The following RASIP1 variants were observed in gnomAD, a reference collection of about 807,000 sequenced individuals.
RASIP1 encodes ras-interacting protein 1.
A neutral mutation model predicts 85.3 loss-of-function variants in RASIP1; 20 were observed. The observed-to-expected ratio is 0.23, with a 90% CI of 0.17 to 0.34. The LOEUF (loss-of-function observed/expected upper bound fraction) is 0.34. RASIP1 is among the 10% of genes least tolerant of loss of function. The probability of loss-of-function intolerance (pLI) is 1.00; values close to 1 mark genes in which losing one functional copy is unlikely to be tolerated. For missense variants in RASIP1, 1,170 were observed against 1,390.9 expected (o/e 0.84, Z 2.53); for synonymous variants, 617 against 647.1 (o/e 0.95, Z 0.71).
At chr19:48,733,953 G>T (rs1048547363) in intron 4 of RASIP1, among the ~76,000 whole-genome samples, 1 of 151,998 alleles carries the variant, frequency 6.6e-6, no homozygotes, top group Non-Finnish European at 1.5e-5. Context: ...ATAGATTCAA[G>T]AAATAGATAT....
At chr19:48,727,689 T>G (rs918326204) in intron 5 of RASIP1, among the ~76,000 whole-genome samples, 11 of 149,652 alleles carry the variant, frequency 7.4e-5, no homozygotes, top group African/African-American at 2.7e-4. Context: ...ATTCTTTTTT[T>G]TTTTTTTTTT....
At chr19:48,721,538 C>G (rs965337900) in intron 11 of RASIP1, among the ~76,000 whole-genome samples, 22 of 152,138 alleles carry the variant, frequency 1.4e-4, no homozygotes, top group African/African-American at 5.3e-4. Context: ...TGAGGTGGTT[C>G]ACGCCTGTAA....
rs139280532 is a variant in RASIP1 at position 48,737,935 on chromosome 19, TTTTG to T, written c.823+1021_823+1024del. ...CTTTTTCTTTTTCTGGAGGACAGTT[TTTTG>T]TTTGTTTGTTTGTTTGTTTTTTCGA... On this transcript the variant is annotated intron_variant, in intron 3 of 11. Transcript: ENST00000222145. 3.5e-5 allele frequency: 34 copies of T among 985,248 alleles called. 1 individual carries two copies. Among genetic ancestry groups the T allele is most frequent in the Middle Eastern group, 5.2e-4 (1 of 1,912 alleles). 61.0% of individuals were successfully genotyped at this position (985,248 alleles called of 1,614,324 possible).
At chr19:48,734,163 C>T (rs948056526) in intron 4 of RASIP1, among the ~76,000 whole-genome samples, 9 of 151,594 alleles carry the variant, frequency 5.9e-5, no homozygotes, top group South Asian at 2.1e-4. Context: ...GGCATGGTGG[C>T]GGGCGCCTGT....
chr19:48,739,427 G>A lies in RASIP1; in HGVS notation c.356C>T (p.Ala119Val). 2 of 1,437,316 alleles carry A rather than the reference G, an allele frequency of 1.4e-6. No homozygotes were observed. Among genetic ancestry groups the A allele is most frequent in the Non-Finnish European group, 1.8e-6 (2 of 1,100,996 alleles). 89.0% of individuals were successfully genotyped at this position (1,437,316 alleles called of 1,614,324 possible). ...CAGCTCCGGCAGCTTCTTCTCGCTG[G>A]CCCAGCGCTGCGCGCCCCCCGGGGT... ...PGTPGGAQRW[A>V]SEKKLPELAA... The change falls in exon 3 of 12, where the codon GCC (alanine) becomes GTC (valine). Residue 119 changes from alanine (A) to valine (V), a missense_variant. Transcript: ENST00000222145. The surrounding 1 kb of genome is among the most constrained non-coding windows in gnomAD (Gnocchi z 9.2).
In RASIP1 at chr19:48,738,894, C is replaced by T. The variant is rs2033619357; in HGVS notation, c.823+66G>A. ...GCGAGTCCCACAAGCCCCGCCCAGG[C>T]CCCGCCCCACGGACCCCGCCTCTCT... On this transcript the variant is annotated intron_variant, in intron 3 of 11. Coordinates refer to ENST00000222145, the MANE Select transcript of RASIP1 (RefSeq NM_017805.3). The surrounding 1 kb of genome is among the most constrained non-coding windows in gnomAD (Gnocchi z 4.0). 2.8e-6 allele frequency: 3 copies of T among 1,063,484 alleles called. No homozygotes were observed. The highest frequency in any genetic ancestry group is 2.3e-6 in the Non-Finnish European group (2 of 862,932). 65.9% of individuals were successfully genotyped at this position (1,063,484 alleles called of 1,614,324 possible).
rs1407439055 is a variant in RASIP1 at position 48,739,327 on chromosome 19, G to A, written c.456C>T (p.Gly152=). 2 of 1,374,116 alleles carry A rather than the reference G, an allele frequency of 1.5e-6. No homozygotes were observed. The highest frequency in any genetic ancestry group is 1.9e-6 in the Non-Finnish European group (2 of 1,068,060). 85.1% of individuals were successfully genotyped at this position (1,374,116 alleles called of 1,614,324 possible). Residue 152 remains glycine (G), a synonymous_variant, in exon 3 of 12, where the codon GGC becomes GGT. Coordinates refer to ENST00000222145, the MANE Select transcript of RASIP1 (RefSeq NM_017805.3). The surrounding 1 kb of genome is among the most constrained non-coding windows in gnomAD (Gnocchi z 9.2). ...AGTTGGCGCCCGATGCCAGTCCGGC[G>A]CCGAAGATCTTGAGGACCCCCGGAG... The part of the protein sequence containing the change: ...TAPPGVLKIF[G]AGLASGANYK...
Position 48,739,542 on chromosome 19 carries a change from C to G in RASIP1, c.241G>C (p.Ala81Pro). Residue 81 changes from alanine (A) to proline (P), a missense_variant, in exon 3 of 12, where the codon GCC becomes CCC. Physicochemically the swap from Ala to Pro is conservative, Grantham distance 27. Around this residue, in one of 4 missense-constraint regions of RASIP1, gnomAD observed 299 missense variants for 394.4 expected, o/e 0.76. Coordinates refer to ENST00000222145, the MANE Select transcript of RASIP1 (RefSeq NM_017805.3). This position sits in a 1 kb window ranked among gnomAD's most constrained non-coding sequence, Gnocchi z 9.2. ...ATGCGCTTGGCGCGGCTACCGGAGG[C>G]TCCCCCGGCCGCCTTGACAGCGCCC... ...RVGAVKAAGG[A>P]SGSRAKRISQ... The G allele has an allele frequency of 2.6e-6, 4 of 1,515,356 alleles. No individual in the cohort carries two copies. The highest frequency in any genetic ancestry group is 1.8e-6 in the Non-Finnish European group (2 of 1,136,326). 93.9% of individuals were successfully genotyped at this position (1,515,356 alleles called of 1,614,324 possible). A position where few individuals can be genotyped will look rare whatever the true frequency, so the allele number is the denominator to read the frequency against.
chr19:48,737,427 A>G, intron 3 of RASIP1: 1 of 983,362 alleles, frequency 1.0e-6, no homozygotes, highest in Non-Finnish European at 1.2e-6. Context: ...GCGGTCCACC[A>G]CCAGCTGTTT....
At chr19:48,735,646 G>A (rs2033556573) in intron 3 of RASIP1, 95 bp from the exon 4 acceptor site, 1 of 1,219,734 alleles carries the variant, frequency 8.2e-7, no homozygotes, top group Non-Finnish European at 1.1e-6. Context: ...TTGCAGAGAG[G>A]TGAGGCTGCT....
Position 48,724,018 on chromosome 19 carries a change from G to A in RASIP1, c.2544+319C>T, listed in dbSNP as rs1303095902. 2.6e-5 allele frequency among the ~76,000 whole-genome samples: 4 copies of A among 152,138 alleles called. No homozygotes were observed. In the East Asian group the frequency reaches 7.7e-4, roughly 29 times the overall value. On this transcript the variant is annotated intron_variant, in intron 10 of 11. Transcript: ENST00000222145. The surrounding 1 kb of genome is among the most constrained non-coding windows in gnomAD (Gnocchi z 4.6). ...AGACAGCGTTTCGCCATGTTGGCCA[G>A]GCTGGTCTCAAACTCCTGGCCTCAA... is the stretch of plus-strand genomic sequence containing the variant.
chr19:48,735,702 GT>G, intron 3 of RASIP1, 151 bp from the exon 4 acceptor site: 1 of 735,546 alleles, frequency 1.4e-6, no homozygotes, highest in African/African-American at 1.8e-5. Flanking sequence ...TTCCCTGTGC[GT>G]GGAACACCTT....
intron 4 of RASIP1, among the ~76,000 whole-genome samples, chr19:48,730,348 T>A (rs2033432737): frequency 6.6e-6 from 1 of 151,852 alleles, no homozygotes; most frequent in Admixed American, 6.6e-5. Context: ...GTATTTTTAG[T>A]AGGGACAGGG....
chr19:48,740,554 G>T lies in RASIP1; in HGVS notation c.-38C>A. On this transcript the variant is annotated 5_prime_UTR_variant, in exon 1 of 12. Transcript: ENST00000222145. This position sits in a 1 kb window ranked among gnomAD's most constrained non-coding sequence, Gnocchi z 5.5. ...GGGTCCGGCACACCCGGAGGCCCTG[G>T]CTCCACTGGCCTGGGTCAGTTCCAC... 7.2e-7 allele frequency: 1 copy of T among 1,384,096 alleles called. No individual in the cohort carries two copies. The highest frequency in any genetic ancestry group is 9.3e-7 in the Non-Finnish European group (1 of 1,074,706). The allele number at this position is 1,384,096 out of a possible 1,614,324, so 85.7% of individuals were successfully genotyped here.
At chr19:48,722,056 G>A in intron 10 of RASIP1, 55 bp from the exon 11 acceptor site, 2 of 1,335,536 alleles carry the variant, frequency 1.5e-6, no homozygotes, top group Non-Finnish European at 2.0e-6. Flanking sequence ...GTTAAGAAAT[G>A]AAATGGAAGG....
chr19:48,727,845 C>T (rs1268235762), intron 5 of RASIP1, among the ~76,000 whole-genome samples: 1 of 151,976 alleles, frequency 6.6e-6, no homozygotes, highest in Non-Finnish European at 1.5e-5. Flanking sequence ...TGCTACCATG[C>T]CCGGCTAATT....
Position 48,738,062 on chromosome 19 carries a change from G to A in RASIP1, c.823+898C>T, listed in dbSNP as rs969326358. The A allele has an allele frequency of 3.8e-6, 2 of 520,136 alleles. No homozygotes were observed. The highest frequency in any genetic ancestry group is 4.9e-6 in the Non-Finnish European group (2 of 405,314). 32.2% of individuals were successfully genotyped at this position (520,136 alleles called of 1,614,324 possible). A position where few individuals can be genotyped will look rare whatever the true frequency, so the allele number is the denominator to read the frequency against. On this transcript the variant is annotated intron_variant, in intron 3 of 11. Transcript: ENST00000222145. The surrounding 1 kb of genome is among the most constrained non-coding windows in gnomAD (Gnocchi z 4.0). ...TGGGTTCAAATTATTCTCATGTCTC[G>A]GCCTCCCGAGTAGCTGGGATTACAG...
intron 3 of RASIP1, among the ~76,000 whole-genome samples, chr19:48,735,850 C>G (rs2033560715): frequency 6.6e-6 from 1 of 151,304 alleles, no homozygotes; most frequent in Admixed American, 6.6e-5. Flanking sequence ...GGCTGGAGTG[C>G]AGTGGCACGA....
chr19:48,725,756 T>C (rs1170115080), intron 8 of RASIP1, among the ~76,000 whole-genome samples: 2 of 152,160 alleles, frequency 1.3e-5, no homozygotes, highest in Admixed American at 1.3e-4. Context: ...CTGGCACTAT[T>C]TGATCTCTAG....
Sources: allele counts gnomAD v4.1 joint callset (sites outside exome capture counted in the v4.1 genomes callset), GRCh38; gene constraint gnomAD v4.1.1; regional missense constraint gnomAD v4.1.1; non-coding constraint Gnocchi (gnomAD v3.1); transcripts MANE v1.5; gene names NCBI Gene and HGNC (gene_info 2026-07-23, HGNC 2026-07-21).